The following FARS2 variants were observed in gnomAD, a reference collection of about 807,000 sequenced individuals.
FARS2 encodes phenylalanine--tRNA ligase, mitochondrial.
FARS2 carries 40 observed loss-of-function variants against 46.4 expected under a neutral mutation model. The observed-to-expected ratio is 0.86, with a 90% CI of 0.67 to 1.12. The LOEUF is 1.12. Among genes scored for constraint, FARS2 ranks in the 50% most tolerant of loss-of-function variants. The probability of loss-of-function intolerance (pLI) is 0.00; values close to 1 mark genes in which losing one functional copy is unlikely to be tolerated. For missense variants in FARS2, 513 were observed against 567.9 expected, an observed-to-expected ratio of 0.90 and a Z score of 0.98; for synonymous variants, 234 against 214.9, an observed-to-expected ratio of 1.09 and a Z score of -0.78.
chr6:5,661,476 G>A (rs988607978), intron 6 of FARS2, among the ~76,000 whole-genome samples: 2 of 152,166 alleles, frequency 1.3e-5, no homozygotes, highest in Non-Finnish European at 2.9e-5. Context: ...ATGGAACTAG[G>A]GCCCTTGGTG....
Position 5,287,425 on chromosome 6 carries a change from G to A in FARS2, c.-22+25765G>A, listed in dbSNP as rs144051255. The stretch of plus-strand genomic sequence containing the variant: ...TCCCACAGCCTGTTCCTTCCCGGCC[G>A]CACTGTTTCCTCTTTTTATCCTGAT... On this transcript the variant is annotated intron_variant, in intron 1 of 6. Transcript: ENST00000274680. Among the ~76,000 whole-genome samples the A allele has an allele frequency of 6.0e-3, 918 of 152,232 alleles. 5 individuals carry two copies. Among genetic ancestry groups the A allele is most frequent in the Non-Finnish European group, 1.0e-2 (679 of 68,012 alleles).
chr6:5,601,828 A>G, intron 5 of FARS2, among the ~76,000 whole-genome samples: 1 of 152,162 alleles, frequency 6.6e-6, no homozygotes, highest in Non-Finnish European at 1.5e-5. Flanking sequence ...TAATCATATA[A>G]TCACAATCAA....
At chr6:5,479,445 G>C (rs542169141) in intron 4 of FARS2, among the ~76,000 whole-genome samples, 8 of 152,272 alleles carry the variant, frequency 5.3e-5, no homozygotes, top group African/African-American at 1.9e-4. Flanking sequence ...TTGACCAGGG[G>C]ACAGTCTTTT....
intron 6 of FARS2, among the ~76,000 whole-genome samples, chr6:5,736,691 T>C (rs1207925084): frequency 3.3e-5 from 5 of 152,132 alleles, no homozygotes; most frequent in East Asian, 3.9e-4. Context: ...AAAAATTGCA[T>C]GTACCCCTTG....
intron 1 of FARS2, among the ~76,000 whole-genome samples, chr6:5,298,538 G>C (rs980220296): frequency 2.6e-5 from 4 of 152,188 alleles, no homozygotes; most frequent in African/African-American, 4.8e-5. Flanking sequence ...CTAATTCGGT[G>C]GTTCCCAGCT....
intron 2 of FARS2, among the ~76,000 whole-genome samples, chr6:5,378,985 T>C (rs1398334619): frequency 6.6e-6 from 1 of 152,174 alleles, no homozygotes; most frequent in Admixed American, 6.5e-5. Context: ...AGATAATTAG[T>C]CTTTGGCTAC....
At chr6:5,313,123 G>A (rs1769206087) in intron 1 of FARS2, among the ~76,000 whole-genome samples, 1 of 152,210 alleles carries the variant, frequency 6.6e-6, no homozygotes, top group South Asian at 2.1e-4. Context: ...ACAGACTTCA[G>A]TGTTGTTTAC....
intron 4 of FARS2, among the ~76,000 whole-genome samples, chr6:5,501,917 G>T (rs114355031): frequency 6.6e-6 from 1 of 152,190 alleles, no homozygotes; most frequent in Non-Finnish European, 1.5e-5. Context: ...TGTGAGATGC[G>T]TGTGCAGTGA....
At chr6:5,260,614 C>T (rs1164099261), upstream of FARS2, 1 of 1,467,234 alleles carries the variant, frequency 6.8e-7, no homozygotes, top group Non-Finnish European at 9.1e-7. Context: ...GCCCCTGGCC[C>T]CCCGCCCCCG....
chr6:5,638,658 G>A (rs1268389532), intron 6 of FARS2, among the ~76,000 whole-genome samples: 1 of 152,226 alleles, frequency 6.6e-6, no homozygotes, highest in Non-Finnish European at 1.5e-5. Flanking sequence ...TGCCTTGCTA[G>A]CATTCCAGGA....
chr6:5,250,259 A>G, the FARS2 span, among the ~76,000 whole-genome samples: 2 of 152,106 alleles, frequency 1.3e-5, no homozygotes, highest in Non-Finnish European at 2.9e-5. Flanking sequence ...GCCAAGGCAA[A>G]GTATAAATAG....
intron 6 of FARS2, among the ~76,000 whole-genome samples, chr6:5,615,765 A>G (rs1775437118): frequency 6.6e-6 from 1 of 152,140 alleles, no homozygotes; most frequent in African/African-American, 2.4e-5. Flanking sequence ...GAGGGTTGGC[A>G]TAGCAGGCAG....
At chr6:5,631,556 C>G (rs1776294946) in intron 6 of FARS2, among the ~76,000 whole-genome samples, 1 of 152,236 alleles carries the variant, frequency 6.6e-6, no homozygotes, top group Non-Finnish European at 1.5e-5. Flanking sequence ...CCAGGGCCCT[C>G]TAAGGCAGGT....
chr6:5,353,419 A>G (rs551881397), intron 1 of FARS2, among the ~76,000 whole-genome samples: 48 of 152,294 alleles, frequency 3.2e-4, no homozygotes, highest in African/African-American at 1.1e-3. Flanking sequence ...TGCATACTCC[A>G]TAGTGGGACT....
chr6:5,423,989 T>C (rs1762708130), intron 3 of FARS2, among the ~76,000 whole-genome samples: 1 of 152,202 alleles, frequency 6.6e-6, no homozygotes, highest in Admixed American at 6.5e-5. Context: ...CAGCCACATT[T>C]ACTGAGTCCA....
At chr6:5,330,080 C>T (rs1283906040) in intron 1 of FARS2, among the ~76,000 whole-genome samples, 1 of 152,110 alleles carries the variant, frequency 6.6e-6, no homozygotes, top group Non-Finnish European at 1.5e-5. Context: ...ATACTCCTAG[C>T]TTCCTAGAAA....
chr6:5,273,899 C>T (rs116253029), intron 1 of FARS2, among the ~76,000 whole-genome samples: 3,046 of 151,594 alleles, frequency 0.02, 90 homozygotes, highest in African/African-American at 0.07. Flanking sequence ...TGTTTTTTTT[C>T]CCCATTGTAT....
At chr6:5,738,166 G>T (rs1169093982) in intron 6 of FARS2, among the ~76,000 whole-genome samples, 2 of 152,130 alleles carry the variant, frequency 1.3e-5, no homozygotes, top group African/African-American at 4.8e-5. Flanking sequence ...TGCCCAAGCT[G>T]GTCTCAAACT....
chr6:5,342,209 T>G (rs1458462897), intron 1 of FARS2, among the ~76,000 whole-genome samples: 1 of 152,224 alleles, frequency 6.6e-6, no homozygotes, highest in Admixed American at 6.5e-5. Context: ...AACTACCTTT[T>G]CTAGGCCTAA....
Sources: allele counts gnomAD v4.1 joint callset (sites outside exome capture counted in the v4.1 genomes callset), GRCh38; gene constraint gnomAD v4.1.1; transcripts MANE v1.5; gene names NCBI Gene and HGNC (gene_info 2026-07-23, HGNC 2026-07-21).